The following EGFR variants were observed in gnomAD, a reference collection of about 807,000 sequenced individuals.
EGFR encodes the protein epidermal growth factor receptor, also known as avian erythroblastic leukemia viral (v-erb-b) oncogene homolog.
EGFR carries 58 observed loss-of-function variants against 143.0 expected under a neutral mutation model. The observed-to-expected ratio is 0.41, with a 90% CI of 0.33 to 0.50. The LOEUF is 0.50. Among genes scored for constraint, EGFR ranks in the 20% least tolerant of loss-of-function variants. The probability of loss-of-function intolerance (pLI) is 0.39; values close to 1 mark genes in which losing one functional copy is unlikely to be tolerated. For missense variants in EGFR, 1,307 were observed against 1,579.0 expected (o/e 0.83, Z 2.92); for synonymous variants, 613 against 594.4 (o/e 1.03, Z -0.45).
At chr7:55,201,394 T>C (rs2128971895) in intron 25 of EGFR, 39 bp downstream of exon 25, 1 of 1,613,754 alleles carries the variant, frequency 6.2e-7, no homozygotes. Flanking sequence ...TCAAGCTGTG[T>C]CTACTCATTT....
chr7:55,047,466 G>A (rs541355837), intron 1 of EGFR, among the ~76,000 whole-genome samples: 1 of 152,286 alleles, frequency 6.6e-6, no homozygotes, highest in East Asian at 1.9e-4. Flanking sequence ...GATTAAAACT[G>A]GGACTGGGCA....
intron 1 of EGFR, among the ~76,000 whole-genome samples, chr7:55,040,442 A>G (rs1425598720): frequency 6.6e-6 from 1 of 152,212 alleles, no homozygotes; most frequent in African/African-American, 2.4e-5. Context: ...AATTCTTTCC[A>G]TTAGCAAGGA....
chr7:55,039,091 T>C (rs1399839270), intron 1 of EGFR, among the ~76,000 whole-genome samples: 1 of 152,056 alleles, frequency 6.6e-6, no homozygotes, highest in Non-Finnish European at 1.5e-5. Flanking sequence ...TTGGAACCCA[T>C]GGAAATTATT....
At chr7:55,200,490 GCC>G in intron 24 of EGFR, 77 bp downstream of exon 24, 1 of 1,400,084 alleles carries the variant, frequency 7.1e-7, no homozygotes, top group South Asian at 1.2e-5. Context: ...TCTGTCACAT[GCC>G]AGCCTGGCCT....
chr7:55,082,590 G>A (rs1416001036), intron 1 of EGFR, among the ~76,000 whole-genome samples: 1 of 152,066 alleles, frequency 6.6e-6, no homozygotes, highest in Non-Finnish European at 1.5e-5. Flanking sequence ...TATTACCCAG[G>A]GTTTTCATTT....
chr7:55,209,906 A>G lies in EGFR; in HGVS notation c.*4289A>G, dbSNP rs1187905681. 6.6e-6 allele frequency: 1 copy of G among 152,264 alleles called. No homozygotes were observed. The highest frequency in any genetic ancestry group is 2.4e-5 in the African/African-American group (1 of 41,470). The allele number at this position is 152,264 out of a possible 1,614,324, so 9.4% of individuals were successfully genotyped here. A position where few individuals can be genotyped will look rare whatever the true frequency, so the allele number is the denominator to read the frequency against. On this transcript the variant is annotated 3_prime_UTR_variant, in exon 28 of 28. Coordinates refer to ENST00000275493, the MANE Select transcript of EGFR (RefSeq NM_005228.5). ...CTGAAATCTTTGTTTAAAAGGGTTA[A>G]GTTGAGGCAAGAGGAAAGCCCTTTC...
At chr7:55,195,295 T>G (rs1005286158) in intron 22 of EGFR, among the ~76,000 whole-genome samples, 1 of 152,162 alleles carries the variant, frequency 6.6e-6, no homozygotes, top group African/African-American at 2.4e-5. Flanking sequence ...GTGTATTAAT[T>G]CAGGTGGTTC....
intron 1 of EGFR, among the ~76,000 whole-genome samples, chr7:55,095,516 C>T (rs2128897244): frequency 6.6e-6 from 1 of 152,356 alleles, no homozygotes; most frequent in Admixed American, 6.5e-5. Flanking sequence ...CCCAGGGCAG[C>T]TTGGGAGTGT....
intron 1 of EGFR, among the ~76,000 whole-genome samples, chr7:55,069,141 A>T (rs916646094): frequency 6.6e-6 from 1 of 152,220 alleles, no homozygotes; most frequent in African/African-American, 2.4e-5. Flanking sequence ...AGTGAAATTC[A>T]CTAAATGCAA....
At chr7:55,060,575 A>G (rs1031164238) in intron 1 of EGFR, among the ~76,000 whole-genome samples, 1 of 152,196 alleles carries the variant, frequency 6.6e-6, no homozygotes, top group Non-Finnish European at 1.5e-5. Flanking sequence ...AGATATAATC[A>G]GTATCCTTCT....
In EGFR at chr7:55,019,337, G is replaced by A. The variant is rs1391110463; in HGVS notation, c.60G>A (p.Pro20=). 1.3e-6 allele frequency: 2 copies of A among 1,517,142 alleles called. No homozygotes were observed. Among genetic ancestry groups the A allele is most frequent in the Non-Finnish European group, 1.8e-6 (2 of 1,128,104 alleles). 94.0% of individuals were successfully genotyped at this position (1,517,142 alleles called of 1,614,324 possible). Residue 20 remains proline (P), a synonymous_variant, in exon 1 of 28, where the codon CCG becomes CCA. Coordinates refer to ENST00000275493, the MANE Select transcript of EGFR (RefSeq NM_005228.5). ...ALLALLAALC[P]ASRALEEKKV... is the part of the protein sequence containing the mutation. ...TGGCGCTGCTGGCTGCGCTCTGCCCGGCGAGTCGGGCTCTGGAGGAAAAGA... is the reference window on the plus strand; with the variant it reads ...TGGCGCTGCTGGCTGCGCTCTGCCCAGCGAGTCGGGCTCTGGAGGAAAAGA...
chr7:55,067,050 T>A lies in EGFR; in HGVS notation c.88+47685T>A, dbSNP rs566894040. Among the ~76,000 whole-genome samples the A allele has an allele frequency of 4.6e-5, 7 of 152,312 alleles. No individual in the cohort carries two copies. In the South Asian group the frequency reaches 1.5e-3, roughly 32 times the overall value. ...GGTGACCTAGGCCAGTCCTGCATCC[T>A]CGGCTCCTCACCTGCCTGGTGGGAC... On this transcript the variant is annotated intron_variant, in intron 1 of 27. Transcript: ENST00000275493.
In EGFR at chr7:55,036,871, C is replaced by A. The variant is rs1253257479; in HGVS notation, c.88+17506C>A. Among the ~76,000 whole-genome samples, 3 of 152,166 alleles carry A rather than the reference C, an allele frequency of 2.0e-5. No homozygotes were observed. The East Asian group carries it at 5.8e-4, about 29-fold the overall frequency. Reference sequence around the variant, plus strand: ...AGGCATTAACCAACTGCAGAAACTGCAGAAGGACAGGGCTATTTGGGAATA... The same window carrying A: ...AGGCATTAACCAACTGCAGAAACTGAAGAAGGACAGGGCTATTTGGGAATA... On this transcript the variant is annotated intron_variant, in intron 1 of 27. Transcript: ENST00000275493.
chr7:55,192,387 G>A (rs955416712), intron 21 of EGFR, among the ~76,000 whole-genome samples: 16 of 152,232 alleles, frequency 1.1e-4, no homozygotes, highest in African/African-American at 3.1e-4. Flanking sequence ...TCAGGCCCTC[G>A]AATGCCCTCC....
At chr7:55,092,773 A>G (rs962625188) in intron 1 of EGFR, among the ~76,000 whole-genome samples, 2 of 152,256 alleles carry the variant, frequency 1.3e-5, no homozygotes, top group Non-Finnish European at 2.9e-5. Context: ...CCCCGGCGTC[A>G]GCCGCTCCTG....
intron 1 of EGFR, among the ~76,000 whole-genome samples, chr7:55,080,771 A>G (rs1460882875): frequency 6.6e-6 from 1 of 152,266 alleles, no homozygotes; most frequent in African/African-American, 2.4e-5. Context: ...CAATGGATAC[A>G]TATATCAAAA....
At chr7:55,203,077 T>C (rs963661682) in intron 27 of EGFR, 2 of 281,812 alleles carry the variant, frequency 7.1e-6, no homozygotes, top group Non-Finnish European at 1.3e-5. Context: ...TTTATCCAGA[T>C]ACTCATAACC....
intron 15 of EGFR, among the ~76,000 whole-genome samples, chr7:55,169,099 A>ATTTTTTT (rs750170891): frequency 6.9e-6 from 1 of 145,656 alleles, no homozygotes; most frequent in Admixed American, 6.9e-5. Context: ...AGGAATAGCT[A>ATTTTTTT]TTTCTTTTTT....
chr7:55,152,671 T>G lies in EGFR; in HGVS notation c.747+7T>G. 1 of 1,612,632 alleles carries G rather than the reference T, an allele frequency of 6.2e-7. No individual in the cohort carries two copies. The highest frequency in any genetic ancestry group is 1.7e-4 in the Middle Eastern group (1 of 6,060). Reference sequence around the variant, plus strand: ...CCGGGAGAGCGACTGCCTGGTAAGATGCCCCTCCAGCAGCCTCCCTGGAGC... The same window carrying G: ...CCGGGAGAGCGACTGCCTGGTAAGAGGCCCCTCCAGCAGCCTCCCTGGAGC... On this transcript the variant is annotated splice_region_variant and intron_variant, in intron 6 of 27. Transcript: ENST00000275493.
Sources: allele counts gnomAD v4.1 joint callset (sites outside exome capture counted in the v4.1 genomes callset), GRCh38; gene constraint gnomAD v4.1.1; transcripts MANE v1.5; gene names NCBI Gene and HGNC (gene_info 2026-07-23, HGNC 2026-07-21).